The following PACC1 variants were observed in gnomAD, a reference collection of about 807,000 sequenced individuals.
The protein encoded by PACC1 is proton activated chloride channel 1.
A neutral mutation model predicts 39.7 loss-of-function variants in PACC1; 34 were observed. That is an observed-to-expected ratio of 0.86 (90% CI 0.65 to 1.14). The LOEUF (loss-of-function observed/expected upper bound fraction) is 1.14, where lower values mean the gene tolerates loss of function less well. PACC1 is among the 50% of genes most tolerant of loss of function. PACC1 has a pLI of 0.00. For missense variants in PACC1, 379 were observed against 436.4 expected (o/e 0.87, Z 1.17); for synonymous variants, 127 against 160.6 (o/e 0.79, Z 1.58).
chr1:212,382,554 A>G (rs1202968437), intron 4 of PACC1, among the ~76,000 whole-genome samples: 1 of 152,212 alleles, frequency 6.6e-6, no homozygotes, highest in Non-Finnish European at 1.5e-5. Flanking sequence ...CAAAATTCCG[A>G]AGATTTTACA....
rs1008698796 is a variant in PACC1, at chr1:212,364,299, A to C, written c.*916T>G. ...GGACACCAGGTCACTCTTTCTGGAC[A>C]CCTGCCATCAGTTGCCATGCCTAAC... On this transcript the variant is annotated 3_prime_UTR_variant, in exon 8 of 8. Transcript: ENST00000261455. 2.6e-5 allele frequency: 4 copies of C among 152,156 alleles called. No homozygotes were observed. The highest frequency in any genetic ancestry group is 5.9e-5 in the Non-Finnish European group (4 of 68,038). 9.4% of individuals were successfully genotyped at this position (152,156 alleles called of 1,614,324 possible).
chr1:212,372,193 A>C lies in PACC1; in HGVS notation c.891+3000T>G, dbSNP rs530242601. Among the ~76,000 whole-genome samples the C allele has an allele frequency of 1.5e-3, 231 of 152,090 alleles. 1 individual carries two copies. Among genetic ancestry groups the C allele is most frequent in the South Asian group, 3.5e-3 (17 of 4,806 alleles). On this transcript the variant is annotated intron_variant, in intron 7 of 7. Coordinates refer to ENST00000261455, the MANE Select transcript of PACC1 (RefSeq NM_018252.3). ...CCAGCTACTCAGGAGGCTGAAGCACAAGAATCATTTGAACCTGGGAGGCAG... is the reference window on the plus strand; with the variant it reads ...CCAGCTACTCAGGAGGCTGAAGCACCAGAATCATTTGAACCTGGGAGGCAG...
intron 2 of PACC1, among the ~76,000 whole-genome samples, chr1:212,389,961 T>C (rs1485830330): frequency 6.6e-6 from 1 of 151,702 alleles, no homozygotes; most frequent in Non-Finnish European, 1.5e-5. Context: ...ATAGGCTTAA[T>C]AGCAAAAGAT....
chr1:212,386,825 G>A lies in PACC1; in HGVS notation c.343+66C>T. 1 of 1,492,680 alleles carries A rather than the reference G, an allele frequency of 6.7e-7. No homozygotes were observed. The highest frequency in any genetic ancestry group is 9.3e-7 in the Non-Finnish European group (1 of 1,072,558). The allele number at this position is 1,492,680 out of a possible 1,614,324, so 92.5% of individuals were successfully genotyped here. Reference sequence around the variant, plus strand: ...GTACCACAAATACAACGGCAGCTCAGGGAGTATCTGCCAGCTGACACCCTA... The same window carrying A: ...GTACCACAAATACAACGGCAGCTCAAGGAGTATCTGCCAGCTGACACCCTA... On this transcript the variant is annotated intron_variant, in intron 3 of 7. Coordinates refer to ENST00000261455, the MANE Select transcript of PACC1 (RefSeq NM_018252.3). This position sits in a 1 kb window ranked among gnomAD's most constrained non-coding sequence, Gnocchi z 5.0.
intron 7 of PACC1, among the ~76,000 whole-genome samples, chr1:212,366,300 CTTTTTT>C (rs35052406): frequency 2.8e-5 from 3 of 107,428 alleles, no homozygotes; most frequent in Non-Finnish European, 5.6e-5. Context: ...GGTAAGAATA[CTTTTTT>C]TTTTTTTTTT....
intron 5 of PACC1, 34 bp downstream of exon 5, chr1:212,379,861 G>A (rs759875275): frequency 3.1e-6 from 5 of 1,612,190 alleles, no homozygotes; most frequent in Non-Finnish European, 3.4e-6. Context: ...ATAAAAAGTA[G>A]ACAGTAAGCC....
chr1:212,368,799 G>A (rs1161421742), intron 7 of PACC1, among the ~76,000 whole-genome samples: 2 of 152,066 alleles, frequency 1.3e-5, no homozygotes, highest in African/African-American at 4.8e-5. Flanking sequence ...TTGGGAGGCC[G>A]AGGCGGGCGG....
chr1:212,378,010 T>C (rs778203838), intron 5 of PACC1, among the ~76,000 whole-genome samples: 19 of 152,146 alleles, frequency 1.2e-4, no homozygotes, highest in Admixed American at 3.9e-4. Flanking sequence ...TTCCTATCGA[T>C]GGCTACCAAA....
chr1:212,405,113 C>G (rs1374454337), intron 2 of PACC1, among the ~76,000 whole-genome samples: 1 of 152,154 alleles, frequency 6.6e-6, no homozygotes, highest in Non-Finnish European at 1.5e-5. Context: ...TTTGAAGCAC[C>G]TGACTCTACC....
intron 7 of PACC1, among the ~76,000 whole-genome samples, chr1:212,374,022 C>A (rs1571632477): frequency 1.5e-5 from 2 of 134,910 alleles, no homozygotes; most frequent in African/African-American, 2.7e-5. Flanking sequence ...GGTGCATATC[C>A]AAAAGAAAGG....
chr1:212,405,156 A>C (rs892220952), intron 2 of PACC1, among the ~76,000 whole-genome samples: 3 of 152,054 alleles, frequency 2.0e-5, no homozygotes, highest in African/African-American at 7.2e-5. Context: ...CATTCCAGTT[A>C]GCTCAGTTGC....
At chr1:212,375,340 G>GTGCCC (rs1474598834) in intron 6 of PACC1, 40 bp from the exon 7 acceptor site, 15 of 1,437,108 alleles carry the variant, frequency 1.0e-5, no homozygotes, top group Non-Finnish European at 1.5e-5. Flanking sequence ...CCACCTCTGT[G>GTGCCC]TGCCCTTCCC....
intron 2 of PACC1, among the ~76,000 whole-genome samples, chr1:212,392,014 ACT>A (rs1258222588): frequency 2.6e-5 from 4 of 152,226 alleles, no homozygotes; most frequent in Non-Finnish European, 5.9e-5. Context: ...GTTGGAAAAC[ACT>A]CTGCAGGATA....
chr1:212,401,059 TTC>T (rs1261250479), intron 2 of PACC1, among the ~76,000 whole-genome samples: 5 of 152,218 alleles, frequency 3.3e-5, no homozygotes, highest in Admixed American at 2.6e-4. Flanking sequence ...TCAATTTTGT[TTC>T]TCTTTTTTAG....
At chr1:212,371,431 G>A (rs1038793650) in intron 7 of PACC1, among the ~76,000 whole-genome samples, 1 of 151,800 alleles carries the variant, frequency 6.6e-6, no homozygotes, top group Non-Finnish European at 1.5e-5. Context: ...AAAACTATAT[G>A]CCAATAAAGG....
chr1:212,370,923 A>T (rs1660427743), intron 7 of PACC1, among the ~76,000 whole-genome samples: 1 of 152,244 alleles, frequency 6.6e-6, no homozygotes, highest in African/African-American at 2.4e-5. Flanking sequence ...ATCAGAGCAG[A>T]AATAAATGAA....
intron 1 of PACC1, among the ~76,000 whole-genome samples, chr1:212,411,506 T>C (rs889918755): frequency 4.6e-5 from 7 of 152,014 alleles, no homozygotes; most frequent in South Asian, 2.1e-4. Flanking sequence ...ATTATACCAC[T>C]GAGAAGGGAA....
At chr1:212,374,052 A>AC (rs1660560238) in intron 7 of PACC1, among the ~76,000 whole-genome samples, 1 of 151,648 alleles carries the variant, frequency 6.6e-6, no homozygotes, top group African/African-American at 2.4e-5. Flanking sequence ...AAGAAAAGAA[A>AC]AAAAAAAAAA....
Position 212,410,493 on chromosome 1 carries a change from T to C in PACC1, c.65A>G (p.Glu22Gly). ...CTGCTCGTCTGCCAGCTCTGAGTTC[T>C]CAACCACCTGGACCAACTCCTCACT... ...ELSEELVQVV[E>G]NSELADEQDK... The change falls in exon 2 of 8, where the codon GAG (glutamate) becomes GGG (glycine). Residue 22 changes from glutamate to glycine, a missense_variant. Transcript: ENST00000261455. 1 of 1,614,192 alleles carries C rather than the reference T, an allele frequency of 6.2e-7. No individual in the cohort carries two copies. The highest frequency in any genetic ancestry group is 2.2e-5 in the East Asian group (1 of 44,886).
Sources: allele counts gnomAD v4.1 joint callset (sites outside exome capture counted in the v4.1 genomes callset), GRCh38; gene constraint gnomAD v4.1.1; non-coding constraint Gnocchi (gnomAD v3.1); transcripts MANE v1.5; gene names NCBI Gene and HGNC (gene_info 2026-07-23, HGNC 2026-07-21).